The following WWC1 variants were observed in gnomAD, a reference collection of about 807,000 sequenced individuals.
WWC1 encodes WW and C2 domain containing 1.
Under a neutral mutation model 138.4 loss-of-function variants are expected in WWC1, and 55 were observed. The ratio of observed to expected loss-of-function variants is 0.40; its 90% CI spans 0.32 to 0.50. WWC1 has a LOEUF of 0.50. WWC1 is among the 20% of genes least tolerant of loss of function. The pLI, the probability that WWC1 is intolerant of heterozygous loss-of-function variation, is 0.72. For missense variants in WWC1, 1,226 were observed against 1,420.4 expected (o/e 0.86, Z 2.20); for synonymous variants, 524 against 564.9 (o/e 0.93, Z 1.03).
At chr5:168,329,167 A>T (rs186897374) in intron 1 of WWC1, among the ~76,000 whole-genome samples, 1 of 152,322 alleles carries the variant, frequency 6.6e-6, no homozygotes, top group East Asian at 1.9e-4. Context: ...AGCTTCCAGG[A>T]GACCACTTGA....
intron 1 of WWC1, among the ~76,000 whole-genome samples, chr5:168,356,782 G>A (rs1053395614): frequency 7.9e-5 from 12 of 152,178 alleles, no homozygotes; most frequent in African/African-American, 2.9e-4. Context: ...GCATTCCCAG[G>A]GGAAGGGAAT....
chr5:168,450,877 C>T (rs1755739681), intron 17 of WWC1, among the ~76,000 whole-genome samples: 1 of 151,962 alleles, frequency 6.6e-6, no homozygotes. Context: ...CGGAAGACAC[C>T]ACTGAGAAAA....
intron 16 of WWC1, among the ~76,000 whole-genome samples, chr5:168,442,677 A>G (rs1031642240): frequency 4.0e-5 from 6 of 151,524 alleles, no homozygotes; most frequent in African/African-American, 1.2e-4. Context: ...TCTCTACTAA[A>G]ATTCTAAAAA....
chr5:168,394,640 C>T (rs534512440), intron 3 of WWC1, among the ~76,000 whole-genome samples: 3 of 152,072 alleles, frequency 2.0e-5, no homozygotes, highest in East Asian at 3.9e-4. Context: ...GCAGGAGAAT[C>T]GCTTAAACCC....
intron 1 of WWC1, among the ~76,000 whole-genome samples, chr5:168,362,895 G>T (rs1438762169): frequency 6.6e-6 from 1 of 152,170 alleles, no homozygotes; most frequent in Non-Finnish European, 1.5e-5. Context: ...AAGGTAGGGA[G>T]GGTTTGGGGT....
intron 1 of WWC1, among the ~76,000 whole-genome samples, chr5:168,319,862 C>G (rs1354300927): frequency 6.6e-6 from 1 of 152,096 alleles, no homozygotes; most frequent in African/African-American, 2.4e-5. Context: ...TTTTACATTC[C>G]CACTAGCAGT....
intron 9 of WWC1, 182 bp downstream of exon 9, chr5:168,414,772 C>T (rs73392749): frequency 0.069 from 60,557 of 882,954 alleles, 3,165 homozygotes; most frequent in East Asian, 0.2. Flanking sequence ...CCATCCAGTG[C>T]GCCAGCTACC....
At chr5:168,427,837 T>A (rs1781625134) in intron 11 of WWC1, among the ~76,000 whole-genome samples, 196 bp from the exon 12 acceptor site, 1 of 152,018 alleles carries the variant, frequency 6.6e-6, no homozygotes, top group African/African-American at 2.4e-5. Context: ...GGCACATGCC[T>A]GTAGTTCCAG....
intron 17 of WWC1, among the ~76,000 whole-genome samples, chr5:168,447,363 G>A (rs1011911434): frequency 6.6e-6 from 1 of 152,146 alleles, no homozygotes; most frequent in Non-Finnish European, 1.5e-5. Flanking sequence ...AATATTCTTT[G>A]CCTTGTGAGT....
chr5:168,356,792 T>C (rs1775457449), intron 1 of WWC1, among the ~76,000 whole-genome samples: 1 of 152,166 alleles, frequency 6.6e-6, no homozygotes, highest in South Asian at 2.1e-4. Context: ...GGGAAGGGAA[T>C]TGGCTCTTGT....
At chr5:168,423,185 A>AT (rs1781256295) in intron 10 of WWC1, among the ~76,000 whole-genome samples, 1 of 147,218 alleles carries the variant, frequency 6.8e-6, no homozygotes, top group South Asian at 2.2e-4. Flanking sequence ...CAGTGAGTTG[A>AT]TTTCAAGAAA....
chr5:168,448,478 T>C (rs1359395646), intron 17 of WWC1, among the ~76,000 whole-genome samples: 1 of 152,058 alleles, frequency 6.6e-6, no homozygotes, highest in Non-Finnish European at 1.5e-5. Context: ...CAAACAATAC[T>C]ATGGGGAAAA....
At chr5:168,363,461 A>G (rs1387611395) in intron 1 of WWC1, among the ~76,000 whole-genome samples, 1 of 130,996 alleles carries the variant, frequency 7.6e-6, no homozygotes, top group Non-Finnish European at 1.6e-5. Flanking sequence ...GGAGGTAGAG[A>G]TTGCAGTGAG....
chr5:168,373,829 G>A (rs933272620), intron 2 of WWC1, among the ~76,000 whole-genome samples: 16 of 149,610 alleles, frequency 1.1e-4, no homozygotes, highest in Non-Finnish European at 1.6e-4. Flanking sequence ...GGCGGATCAC[G>A]AGGTCAGGAG....
intron 11 of WWC1, among the ~76,000 whole-genome samples, chr5:168,425,477 G>A (rs141216357): frequency 6.7e-6 from 1 of 150,190 alleles, no homozygotes; most frequent in African/African-American, 2.4e-5. Flanking sequence ...TGGGAAGTGG[G>A]TGCTATTTTT....
chr5:168,433,469 C>G (rs1782106236), intron 15 of WWC1, among the ~76,000 whole-genome samples: 1 of 152,230 alleles, frequency 6.6e-6, no homozygotes. Flanking sequence ...TTGTTACTGA[C>G]AATAATGCAG....
At chr5:168,310,837 A>AAAAAAACAAAAAC (rs1554088495) in intron 1 of WWC1, among the ~76,000 whole-genome samples, 1 of 120,184 alleles carries the variant, frequency 8.3e-6, no homozygotes, top group Admixed American at 7.7e-5. Flanking sequence ...GACCCTGTCT[A>AAAAAAACAAAAAC]AAAAAAAAGC....
chr5:168,316,432 G>A (rs1561600449), intron 1 of WWC1, among the ~76,000 whole-genome samples: 1 of 152,200 alleles, frequency 6.6e-6, no homozygotes, highest in East Asian at 1.9e-4. Flanking sequence ...CTGCATGTAT[G>A]TGAGGGCTGG....
rs770150162 is a variant in WWC1 at position 168,431,377 on chromosome 5, C to T, written c.2213C>T (p.Ala738Val). Residue 738 changes from alanine to valine, a missense_variant, in exon 15 of 23, where the codon GCC (alanine) becomes GTC (valine). Around this residue, in one of 3 missense-constraint regions of WWC1, gnomAD observed 1,016 missense variants for 1,153.9 expected, o/e 0.88. Transcript: ENST00000265293. Reference sequence around the variant, plus strand: ...TTCTGGGTATCCATGTCCTATCCAGCCCTTCACCAGAAGACCTTAAGAGTC... The same window carrying T: ...TTCTGGGTATCCATGTCCTATCCAGTCCTTCACCAGAAGACCTTAAGAGTC... Reference protein sequence around the residue: ...EVFWVSMSYPALHQKTLRVDV... With the variant: ...EVFWVSMSYPVLHQKTLRVDV... 11 of 1,613,986 alleles carry T rather than the reference C, an allele frequency of 6.8e-6. No homozygotes were observed. Among genetic ancestry groups the T allele is most frequent in the Non-Finnish European group, 8.5e-6 (10 of 1,180,026 alleles).
Sources: gnomAD v4.1 joint callset for allele counts (sites outside exome capture counted in the v4.1 genomes callset) on GRCh38, gnomAD v4.1.1 for gene constraint, gnomAD v4.1.1 regional missense constraint, MANE v1.5 for transcripts, NCBI Gene and HGNC (gene_info 2026-07-23, HGNC 2026-07-21) for gene names.